Variants in DOCK2 observed in about 807,000 individuals in gnomAD.
DOCK2 encodes the protein dedicator of cytokinesis 2, also known as dedicator of cytokinesis protein 2.
A neutral mutation model predicts 248.9 loss-of-function variants in DOCK2; 87 were observed. The ratio of observed to expected loss-of-function variants is 0.35; its 90% CI spans 0.29 to 0.42. The LOEUF (loss-of-function observed/expected upper bound fraction) is 0.42, where lower values mean the gene tolerates loss of function less well. Among genes scored for constraint, DOCK2 ranks in the 10% least tolerant of loss-of-function variants. The pLI is 1.00. For missense variants in DOCK2, 1,747 were observed against 2,300.2 expected (o/e 0.76, Z 4.92); for synonymous variants, 805 against 821.6 (o/e 0.98, Z 0.35).
chr5:170,081,789 C>A, intron 50 of DOCK2, 53 bp from the exon 51 acceptor site: 1 of 1,468,654 alleles, frequency 6.8e-7, no homozygotes, highest in Non-Finnish European at 9.1e-7. Context: ...TCCCCCAAGG[C>A]ACTGCCCCTC....
At chr5:169,872,364 G>A (rs1465379932) in intron 27 of DOCK2, among the ~76,000 whole-genome samples, 2 of 152,194 alleles carry the variant, frequency 1.3e-5, no homozygotes, top group Non-Finnish European at 2.9e-5. Context: ...AGGAACTTTA[G>A]TTTGTATGTT....
intron 1 of DOCK2, among the ~76,000 whole-genome samples, chr5:169,650,064 T>C (rs1256497228): frequency 6.6e-6 from 1 of 152,276 alleles, no homozygotes; most frequent in Non-Finnish European, 1.5e-5. Context: ...TCCCCTAGTG[T>C]TGGGATTACA....
At chr5:169,777,795 C>T (rs1188621032) in intron 25 of DOCK2, among the ~76,000 whole-genome samples, 5 of 152,170 alleles carry the variant, frequency 3.3e-5, no homozygotes, top group Non-Finnish European at 7.3e-5. Context: ...ACTCATAAGC[C>T]AAGTTTCATC....
intron 48 of DOCK2, 138 bp from the exon 49 acceptor site, chr5:170,078,837 A>T: frequency 1.1e-6 from 1 of 870,878 alleles, no homozygotes; most frequent in East Asian, 2.5e-5. Context: ...ATCCTCTGCC[A>T]GATTTGCTGA....
intron 5 of DOCK2, 108 bp from the exon 6 acceptor site, chr5:169,674,189 C>T: frequency 7.2e-7 from 1 of 1,383,378 alleles, no homozygotes; most frequent in South Asian, 1.4e-5. Flanking sequence ...GGGAGAGAGC[C>T]TCAGGCCATG....
At chr5:169,960,507 G>A (rs1458514020) in intron 27 of DOCK2, among the ~76,000 whole-genome samples, 1 of 152,136 alleles carries the variant, frequency 6.6e-6, no homozygotes, top group African/African-American at 2.4e-5. Flanking sequence ...GGAATAAAAA[G>A]GAAAATTATT....
Position 169,689,668 on chromosome 5 carries a change from G to A in DOCK2, c.843+335G>A, listed in dbSNP as rs73798754. ...GGCACAACAGCAATTTTGATTTTCC[G>A]GTTCATTCATGATTAACCTGAGTTC... On this transcript the variant is annotated intron_variant, in intron 9 of 51. Coordinates refer to ENST00000520908, the MANE Select transcript of DOCK2 (RefSeq NM_004946.3). Among the ~76,000 whole-genome samples the A allele has an allele frequency of 6.2e-3, 945 of 152,168 alleles. 17 individuals are homozygous for A. The highest frequency in any genetic ancestry group is 0.022 in the African/African-American group (896 of 41,512).
chr5:169,905,599 C>T (rs1459483396), intron 27 of DOCK2, among the ~76,000 whole-genome samples: 1 of 152,164 alleles, frequency 6.6e-6, no homozygotes, highest in African/African-American at 2.4e-5. Context: ...TGTATACGGG[C>T]TTGAATGATG....
intron 5 of DOCK2, among the ~76,000 whole-genome samples, chr5:169,672,889 T>C (rs1172167002): frequency 6.6e-6 from 1 of 152,154 alleles, no homozygotes; most frequent in Non-Finnish European, 1.5e-5. Context: ...AGAATGTAAT[T>C]CAGGATCAGC....
At chr5:169,716,520 G>T (rs1761923447) in intron 20 of DOCK2, among the ~76,000 whole-genome samples, 1 of 152,204 alleles carries the variant, frequency 6.6e-6, no homozygotes, top group Non-Finnish European at 1.5e-5. Context: ...GGTGAAAGGG[G>T]AATTTTAAAT....
chr5:170,042,554 C>T (rs938636297), intron 38 of DOCK2, among the ~76,000 whole-genome samples: 14 of 152,206 alleles, frequency 9.2e-5, no homozygotes, highest in Admixed American at 5.2e-4. Context: ...TCATTTCATC[C>T]CTGCTGGGGT....
chr5:169,809,433 C>T (rs1426857985), intron 26 of DOCK2, among the ~76,000 whole-genome samples: 1 of 152,238 alleles, frequency 6.6e-6, no homozygotes, highest in Non-Finnish European at 1.5e-5. Context: ...TGGAGTTCAG[C>T]TCAGATAACA....
chr5:169,943,667 G>T (rs1384824021), intron 27 of DOCK2, among the ~76,000 whole-genome samples: 1 of 152,190 alleles, frequency 6.6e-6, no homozygotes, highest in Non-Finnish European at 1.5e-5. Context: ...TCTGGGGGCA[G>T]TGGTTCTCAA....
intron 46 of DOCK2, among the ~76,000 whole-genome samples, chr5:170,071,119 T>C (rs1266289779): frequency 6.6e-6 from 1 of 152,160 alleles, no homozygotes; most frequent in Non-Finnish European, 1.5e-5. Flanking sequence ...ACCCTAACTA[T>C]GGGCACCCGC....
At chr5:169,732,532 G>A (rs1011550788) in intron 22 of DOCK2, among the ~76,000 whole-genome samples, 46 of 152,116 alleles carry the variant, frequency 3.0e-4, no homozygotes, top group African/African-American at 1.0e-3. Flanking sequence ...TTAGCACATC[G>A]GGAATCAAAT....
chr5:169,896,464 T>A (rs1773614636), intron 27 of DOCK2, among the ~76,000 whole-genome samples: 1 of 152,184 alleles, frequency 6.6e-6, no homozygotes, highest in Non-Finnish European at 1.5e-5. Flanking sequence ...GGGCTATGAT[T>A]TTCTCATCTG....
chr5:169,792,813 C>A lies in DOCK2; in HGVS notation c.2555-10245C>A, dbSNP rs890546311. Among the ~76,000 whole-genome samples, 16 of 152,140 alleles carry A rather than the reference C, an allele frequency of 1.1e-4. 1 individual carries two copies. Among genetic ancestry groups the A allele is most frequent in the Admixed American group, 9.8e-4 (15 of 15,276 alleles). ...TTAGGAAACAAATCAAATTTTGGGTCCCAATTCAATTGGCCATATATGCAT... is the reference window on the plus strand; with the variant it reads ...TTAGGAAACAAATCAAATTTTGGGTACCAATTCAATTGGCCATATATGCAT... On this transcript the variant is annotated intron_variant, in intron 25 of 51. Coordinates refer to ENST00000520908, the MANE Select transcript of DOCK2 (RefSeq NM_004946.3).
chr5:169,786,953 A>T (rs1241834223), intron 25 of DOCK2, among the ~76,000 whole-genome samples: 1 of 152,218 alleles, frequency 6.6e-6, no homozygotes, highest in Non-Finnish European at 1.5e-5. Context: ...TAAATATTTT[A>T]AAAACTAAAT....
intron 46 of DOCK2, among the ~76,000 whole-genome samples, chr5:170,070,319 G>A (rs1259407813): frequency 6.6e-6 from 1 of 152,246 alleles, no homozygotes; most frequent in Non-Finnish European, 1.5e-5. Flanking sequence ...AGGGAAATCA[G>A]GGAATGAGAA....
Sources: allele counts gnomAD v4.1 joint callset (sites outside exome capture counted in the v4.1 genomes callset), GRCh38; gene constraint gnomAD v4.1.1; transcripts MANE v1.5; gene names NCBI Gene and HGNC (gene_info 2026-07-23, HGNC 2026-07-21).